Variants in NUP205 observed in about 807,000 individuals in gnomAD.
NUP205 encodes nucleoporin 205.
NUP205 carries 76 observed loss-of-function variants against 253.8 expected under a neutral mutation model. The observed-to-expected ratio is 0.30, with a 90% CI of 0.25 to 0.36. The LOEUF is 0.36. NUP205 is among the 10% of genes least tolerant of loss of function. NUP205 has a pLI of 1.00. For synonymous variants in NUP205, 832 were observed against 850.1 expected (o/e 0.98, Z 0.37); for missense variants, 2,162 against 2,425.5 (o/e 0.89, Z 2.28).
Position 135,635,567 on chromosome 7 carries a change from T to G in NUP205, c.5060-14T>G. On this transcript the variant is annotated splice_polypyrimidine_tract_variant and intron_variant, in intron 35 of 42. Coordinates refer to ENST00000285968, the MANE Select transcript of NUP205 (RefSeq NM_015135.3). ...ATTATAATAATATGTTTTAAAGCAT[T>G]CTACATTTTATAGGAATATTAAGTG... 7.0e-7 allele frequency: 1 copy of G among 1,424,394 alleles called. No individual in the cohort carries two copies. The highest frequency in any genetic ancestry group is 9.8e-7 in the Non-Finnish European group (1 of 1,016,932). The allele number at this position is 1,424,394 out of a possible 1,614,324, so 88.2% of individuals were successfully genotyped here.
Position 135,644,982 on chromosome 7 carries a change from A to G in NUP205, c.5647A>G (p.Ile1883Val). 3.7e-6 allele frequency: 6 copies of G among 1,614,136 alleles called. No individual in the cohort carries two copies. The highest frequency in any genetic ancestry group is 5.1e-6 in the Non-Finnish European group (6 of 1,179,982). ...VLARRRLVKV[I>V]NNRAKLLSLC... Reference sequence around the variant, plus strand: ...AGCAAGACGGCGCTTGGTGAAGGTGATCAACAATCGAGCTAAACTGCTTTC... The same window carrying G: ...AGCAAGACGGCGCTTGGTGAAGGTGGTCAACAATCGAGCTAAACTGCTTTC... Residue 1883 changes from isoleucine (I) to valine (V), a missense_variant, in exon 40 of 43, where the codon ATC (isoleucine) becomes GTC (valine). This residue lies in a region of NUP205 where 1,144 missense variants were observed against 1,280.9 expected (regional missense o/e 0.89). Transcript: ENST00000285968.
intron 22 of NUP205, among the ~76,000 whole-genome samples, chr7:135,609,700 A>G (rs1046341315): frequency 1.3e-5 from 2 of 151,376 alleles, no homozygotes; most frequent in East Asian, 1.9e-4. Context: ...TGGCATGGAT[A>G]TTTTTCTTTG....
intron 1 of NUP205, 28 bp downstream of exon 1, chr7:135,558,000 T>C: frequency 1.3e-6 from 2 of 1,599,450 alleles, no homozygotes; most frequent in Non-Finnish European, 1.7e-6. Flanking sequence ...GAAAGACGAT[T>C]GAGCTGAGCG....
At chr7:135,594,467 G>T (rs1021101628) in intron 12 of NUP205, 80 bp from the exon 13 acceptor site, 14 of 1,113,548 alleles carry the variant, frequency 1.3e-5, no homozygotes, top group Non-Finnish European at 1.8e-5. Context: ...CAGTATAAAT[G>T]ATAGCAATTT....
At chr7:135,614,114 C>A (rs1387246849) in intron 22 of NUP205, 45 bp from the exon 23 acceptor site, 5 of 1,092,926 alleles carry the variant, frequency 4.6e-6, no homozygotes, top group Non-Finnish European at 7.0e-6. Context: ...ATATGTGTAA[C>A]ACAGAAAGAC....
intron 15 of NUP205, among the ~76,000 whole-genome samples, chr7:135,599,714 T>G (rs1395223415): frequency 6.6e-6 from 1 of 152,204 alleles, no homozygotes; most frequent in Non-Finnish European, 1.5e-5. Context: ...GTGTTGCTGC[T>G]TTTCCCTGGC....
intron 19 of NUP205, among the ~76,000 whole-genome samples, chr7:135,605,017 C>T (rs1298099046): frequency 2.6e-5 from 4 of 151,432 alleles, no homozygotes; most frequent in Non-Finnish European, 4.4e-5. Context: ...CCCATTGTAT[C>T]TTTATGTTGG....
chr7:135,611,212 G>T (rs1794227994), intron 22 of NUP205, among the ~76,000 whole-genome samples: 1 of 152,088 alleles, frequency 6.6e-6, no homozygotes, highest in Non-Finnish European at 1.5e-5. Context: ...GTTTCACCAT[G>T]TTGGCCAGGG....
chr7:135,629,040 T>C, intron 34 of NUP205, among the ~76,000 whole-genome samples: 1 of 152,212 alleles, frequency 6.6e-6, no homozygotes, highest in African/African-American at 2.4e-5. Flanking sequence ...CAATCTTGTA[T>C]TGACTGAAGC....
chr7:135,592,135 A>G (rs1161184861), intron 11 of NUP205, among the ~76,000 whole-genome samples: 1 of 152,222 alleles, frequency 6.6e-6, no homozygotes, highest in East Asian at 1.9e-4. Flanking sequence ...TTTACCCAAC[A>G]TCACAGCTAT....
intron 1 of NUP205, among the ~76,000 whole-genome samples, chr7:135,559,840 C>T (rs574180702): frequency 2.6e-5 from 4 of 151,670 alleles, no homozygotes; most frequent in South Asian, 2.1e-4. Context: ...TACAGGCGCC[C>T]GCCACCATGC....
intron 1 of NUP205, among the ~76,000 whole-genome samples, chr7:135,564,120 C>T (rs1377663082): frequency 6.6e-6 from 1 of 151,816 alleles, no homozygotes; most frequent in Admixed American, 6.6e-5. Context: ...ACTCTGTTGC[C>T]CACGCTGGAG....
intron 42 of NUP205, among the ~76,000 whole-genome samples, chr7:135,647,327 G>A (rs1050417066): frequency 1.3e-5 from 2 of 152,192 alleles, no homozygotes; most frequent in East Asian, 3.8e-4. Flanking sequence ...GAAAGGTGCA[G>A]TTACAGCAGC....
At position 135,618,396 on chromosome 7, in the gene NUP205, A is replaced by G. The variant is rs1794403182; in HGVS notation, c.3772-16A>G. On this transcript the variant is annotated splice_polypyrimidine_tract_variant and intron_variant, in intron 27 of 42. Transcript: ENST00000285968. ...TTTGCCTGTTTAACCTTGTGATTCA[A>G]TTCCTGTGGCTTTAGGAAATCAGCA... 1 of 1,611,478 alleles carries G rather than the reference A, an allele frequency of 6.2e-7. No individual in the cohort carries two copies. The highest frequency in any genetic ancestry group is 8.5e-7 in the Non-Finnish European group (1 of 1,178,088).
chr7:135,630,932 G>GT (rs370208253), intron 35 of NUP205, among the ~76,000 whole-genome samples: 3 of 148,416 alleles, frequency 2.0e-5, no homozygotes, highest in Non-Finnish European at 3.0e-5. Context: ...TCTCTGTTTT[G>GT]TTTTGTTTTT....
rs112755357 is a variant in NUP205, at chr7:135,615,375, T to C, written c.3311-541T>C. On this transcript the variant is annotated intron_variant, in intron 23 of 42. Transcript: ENST00000285968. ...AGGAGTTCAAGTACAGCCTGGGCAATAGAGTGAGACCCTGTCTCTACAATA... is the reference window on the plus strand; with the variant it reads ...AGGAGTTCAAGTACAGCCTGGGCAACAGAGTGAGACCCTGTCTCTACAATA... Among the ~76,000 whole-genome samples the C allele has an allele frequency of 5.6e-3, 851 of 152,132 alleles. 14 individuals are homozygous for C. The highest frequency in any genetic ancestry group is 0.051 in the East Asian group (265 of 5,170).
At chr7:135,583,511 GC>G (rs1302847156) in intron 7 of NUP205, among the ~76,000 whole-genome samples, 2 of 152,104 alleles carry the variant, frequency 1.3e-5, no homozygotes, top group African/African-American at 4.8e-5. Context: ...TGTAATCCCA[GC>G]ACTTTGGGAG....
chr7:135,643,102 T>G, intron 38 of NUP205, 90 bp from the exon 39 acceptor site: 1 of 1,236,360 alleles, frequency 8.1e-7, no homozygotes, highest in Non-Finnish European at 1.1e-6. Context: ...CCTTAAATTC[T>G]GGGGCATCCC....
chr7:135,580,224 A>C (rs1463800032), intron 7 of NUP205, among the ~76,000 whole-genome samples: 2 of 152,182 alleles, frequency 1.3e-5, no homozygotes, highest in Non-Finnish European at 2.9e-5. Flanking sequence ...CACTAGTGTC[A>C]TGCTGTTCCC....
Sources: gnomAD v4.1 joint callset for allele counts (sites outside exome capture counted in the v4.1 genomes callset) on GRCh38, gnomAD v4.1.1 for gene constraint, gnomAD v4.1.1 regional missense constraint, MANE v1.5 for transcripts, NCBI Gene and HGNC (gene_info 2026-07-23, HGNC 2026-07-21) for gene names.